ACVR1C: variants seen among roughly 807,000 people sequenced by gnomAD.
ACVR1C encodes activin A receptor type 1C, also known as activin receptor type-1C.
A neutral mutation model predicts 57.9 loss-of-function variants in ACVR1C; 23 were observed. The observed-to-expected ratio is 0.40, with a 90% CI of 0.29 to 0.56. ACVR1C has a LOEUF of 0.56. Ranked by LOEUF, ACVR1C falls within the 20% of genes least tolerant of loss-of-function variation. The pLI is 0.50. For missense variants in ACVR1C, 480 were observed against 607.9 expected, an observed-to-expected ratio of 0.79 and a Z score of 2.21; for synonymous variants, 214 against 215.3, an observed-to-expected ratio of 0.99 and a Z score of 0.05.
intron 2 of ACVR1C, among the ~76,000 whole-genome samples, chr2:157,576,199 A>ATTT (rs1553483170): frequency 3.4e-5 from 3 of 89,304 alleles, no homozygotes; most frequent in Non-Finnish European, 7.0e-5. Flanking sequence ...AGGAATAATC[A>ATTT]TTTCTTTTTT....
intron 1 of ACVR1C, among the ~76,000 whole-genome samples, chr2:157,598,380 T>TA (rs897846501): frequency 1.3e-5 from 2 of 151,178 alleles, no homozygotes; most frequent in Non-Finnish European, 3.0e-5. Flanking sequence ...TAGCTCACAT[T>TA]AAAAAAAGAA....
At chr2:157,587,037 C>A in intron 2 of ACVR1C, 150 bp downstream of exon 2, 1 of 689,282 alleles carries the variant, frequency 1.5e-6, no homozygotes, top group Non-Finnish European at 2.4e-6. Flanking sequence ...CTCAGCTAGA[C>A]TCTAGAGAAT....
At chr2:157,553,246 A>G (rs1332622382) in intron 3 of ACVR1C, among the ~76,000 whole-genome samples, 2 of 152,136 alleles carry the variant, frequency 1.3e-5, no homozygotes, top group Admixed American at 6.6e-5. Context: ...GGATACACCC[A>G]TTCTCTGATT....
chr2:157,614,426 C>A (rs1408085966), intron 1 of ACVR1C, among the ~76,000 whole-genome samples: 3 of 152,042 alleles, frequency 2.0e-5, no homozygotes, highest in Non-Finnish European at 4.4e-5. Context: ...ACAATATGGT[C>A]TATCTTGGCT....
rs1687274790 is a variant in ACVR1C at position 157,528,190 on chromosome 2, T to A, written c.*5728A>T. The A allele has an allele frequency of 6.6e-6, 1 of 152,188 alleles. No homozygotes were observed. The highest frequency in any genetic ancestry group is 2.1e-4 in the South Asian group (1 of 4,828). 9.4% of individuals were successfully genotyped at this position (152,188 alleles called of 1,614,324 possible). On this transcript the variant is annotated 3_prime_UTR_variant, in exon 9 of 9. Transcript: ENST00000243349. The stretch of plus-strand genomic sequence containing the variant: ...GTCTGGGAGCCAATTGCAGTTGGAT[T>A]TTAGCCCGCACCTGCCCCTCAGCTG...
chr2:157,576,157 C>T (rs1688645856), intron 2 of ACVR1C, among the ~76,000 whole-genome samples: 1 of 151,996 alleles, frequency 6.6e-6, no homozygotes, highest in Non-Finnish European at 1.5e-5. Context: ...CAACCTTATC[C>T]CTTCCCCCAA....
intron 7 of ACVR1C, among the ~76,000 whole-genome samples, chr2:157,540,615 T>C (rs888244802): frequency 6.6e-6 from 1 of 152,270 alleles, no homozygotes; most frequent in African/African-American, 2.4e-5. Flanking sequence ...AGTTCTAAAC[T>C]ACTGGGAGCA....
chr2:157,546,560 T>C (rs1464820625), intron 4 of ACVR1C, among the ~76,000 whole-genome samples: 2 of 152,196 alleles, frequency 1.3e-5, no homozygotes, highest in Non-Finnish European at 2.9e-5. Flanking sequence ...AACCCTTTTT[T>C]AGATTGGGGT....
intron 2 of ACVR1C, among the ~76,000 whole-genome samples, chr2:157,566,968 C>G (rs1304695174): frequency 3.4e-5 from 4 of 116,500 alleles, no homozygotes; most frequent in Non-Finnish European, 7.1e-5. Flanking sequence ...GTGTCCCTGT[C>G]TGACAGCTTT....
chr2:157,619,675 T>C (rs1682723375), intron 1 of ACVR1C, among the ~76,000 whole-genome samples: 1 of 151,968 alleles, frequency 6.6e-6, no homozygotes, highest in African/African-American at 2.4e-5. Flanking sequence ...ACACTTGATA[T>C]AATGTACCTG....
rs1687325449 is a variant in ACVR1C at position 157,530,345 on chromosome 2, T to C, written c.*3573A>G. 6.6e-6 allele frequency: 1 copy of C among 152,148 alleles called. No individual in the cohort carries two copies. The highest frequency in any genetic ancestry group is 6.6e-5 in the Admixed American group (1 of 15,254). The allele number at this position is 152,148 out of a possible 1,614,324, so 9.4% of individuals were successfully genotyped here. On this transcript the variant is annotated 3_prime_UTR_variant, in exon 9 of 9. Coordinates refer to ENST00000243349, the MANE Select transcript of ACVR1C (RefSeq NM_145259.3). ...AATTTTAAGTTGTTTACTCAAACTT[T>C]GTATAATGGCAAACATCAGCTCCCT...
chr2:157,550,034 G>GA (rs1324250775), intron 4 of ACVR1C, 128 bp downstream of exon 4: 39,261 of 578,632 alleles, frequency 0.068, 2 homozygotes, highest in East Asian at 0.092. Flanking sequence ...AAAGGAAAAG[G>GA]AAAAAAAAAA....
intron 1 of ACVR1C, among the ~76,000 whole-genome samples, chr2:157,625,097 C>A (rs1303167969): frequency 6.6e-6 from 1 of 152,164 alleles, no homozygotes; most frequent in Non-Finnish European, 1.5e-5. Context: ...ATCCCCTGAA[C>A]TTCAGACCCA....
intron 5 of ACVR1C, 40 bp from the exon 6 acceptor site, chr2:157,542,902 C>T (rs564945204): frequency 1.4e-5 from 22 of 1,589,168 alleles, no homozygotes; most frequent in African/African-American, 1.3e-4. Context: ...TTTTCTTTAC[C>T]GGAGACTGTT....
At chr2:157,534,476 A>G (rs1687432315) in intron 8 of ACVR1C, among the ~76,000 whole-genome samples, 1 of 152,208 alleles carries the variant, frequency 6.6e-6, no homozygotes, top group Non-Finnish European at 1.5e-5. Context: ...ATGGGACATG[A>G]AAAACATCAA....
chr2:157,533,856 A>T lies in ACVR1C; in HGVS notation c.*62T>A. 1 of 1,447,016 alleles carries T rather than the reference A, an allele frequency of 6.9e-7. No homozygotes were observed. The highest frequency in any genetic ancestry group is 9.1e-7 in the Non-Finnish European group (1 of 1,098,978). 89.6% of individuals were successfully genotyped at this position (1,447,016 alleles called of 1,614,324 possible). ...CAAAAAAAAAATGGCAAAAACATTC[A>T]CATAAAGGGGAAAATGGAAAAGAAA... On this transcript the variant is annotated 3_prime_UTR_variant, in exon 9 of 9. Transcript: ENST00000243349.
intron 1 of ACVR1C, among the ~76,000 whole-genome samples, chr2:157,610,706 A>G (rs1409902784): frequency 6.6e-6 from 1 of 152,118 alleles, no homozygotes; most frequent in Non-Finnish European, 1.5e-5. Context: ...TGTCCCATAT[A>G]TTATGAAGAG....
chr2:157,615,541 A>AT, intron 1 of ACVR1C, among the ~76,000 whole-genome samples: 1 of 151,852 alleles, frequency 6.6e-6, no homozygotes. Flanking sequence ...TACCTGGCTA[A>AT]TTTTTTTCAT....
intron 1 of ACVR1C, among the ~76,000 whole-genome samples, chr2:157,615,744 C>T (rs1364823414): frequency 2.0e-5 from 3 of 152,104 alleles, no homozygotes; most frequent in Admixed American, 2.0e-4. Context: ...TTTTTACTCA[C>T]TGCATTTAAA....
Sources: allele counts gnomAD v4.1 joint callset (sites outside exome capture counted in the v4.1 genomes callset), GRCh38; gene constraint gnomAD v4.1.1; transcripts MANE v1.5; gene names NCBI Gene and HGNC (gene_info 2026-07-23, HGNC 2026-07-21).